The following SPRED1 variants were observed in gnomAD, a reference collection of about 807,000 sequenced individuals.
The protein encoded by SPRED1 is sprouty related EVH1 domain containing 1, also known as sprouty-related, EVH1 domain-containing protein 1.
Under a neutral mutation model 52.3 loss-of-function variants are expected in SPRED1, and 18 were observed. The ratio of observed to expected loss-of-function variants is 0.34; its 90% CI spans 0.24 to 0.51. The LOEUF is 0.51. Ranked by LOEUF, SPRED1 falls within the 20% of genes least tolerant of loss-of-function variation. The pLI, the probability that SPRED1 is intolerant of heterozygous loss-of-function variation, is 0.97. For missense variants in SPRED1, 485 were observed against 551.0 expected (o/e 0.88, Z 1.20); for synonymous variants, 155 against 179.7 (o/e 0.86, Z 1.10).
At chr15:38,307,325 A>G (rs1895270434) in intron 2 of SPRED1, among the ~76,000 whole-genome samples, 1 of 152,210 alleles carries the variant, frequency 6.6e-6, no homozygotes, top group Non-Finnish European at 1.5e-5. Flanking sequence ...TGGTTTAAAC[A>G]ACAGAATTTA....
intron 1 of SPRED1, among the ~76,000 whole-genome samples, chr15:38,259,667 G>A (rs1894166826): frequency 6.6e-6 from 1 of 151,834 alleles, no homozygotes; most frequent in East Asian, 1.9e-4. Flanking sequence ...CAAGATACCA[G>A]TCTTTATGCT....
chr15:38,265,793 A>C (rs776414664), intron 1 of SPRED1, among the ~76,000 whole-genome samples: 23 of 152,232 alleles, frequency 1.5e-4, no homozygotes, highest in Admixed American at 3.3e-4. Context: ...GGAACTTTCA[A>C]ATATTGTTGT....
At chr15:38,253,984 C>T (rs760288747) in intron 1 of SPRED1, among the ~76,000 whole-genome samples, 4 of 152,114 alleles carry the variant, frequency 2.6e-5, no homozygotes, top group Non-Finnish European at 5.9e-5. Flanking sequence ...TTAGAGCATT[C>T]CGGTTTAAGT....
In SPRED1 at chr15:38,324,772, A is replaced by T. The variant is rs1230768530; in HGVS notation, c.386A>T (p.Glu129Val). The T allele has an allele frequency of 1.7e-5, 28 of 1,609,972 alleles. No individual in the cohort carries two copies. The highest frequency in any genetic ancestry group is 3.3e-5 in the South Asian group (3 of 90,184). The change falls in exon 4 of 7, where the codon GAA becomes GTA. Residue 129 changes from glutamate (E) to valine (V), a missense_variant. Coordinates refer to ENST00000299084, the MANE Select transcript of SPRED1 (RefSeq NM_152594.3). The stretch of plus-strand genomic sequence containing the variant: ...TTATCTATTTTCTTAGGATGCCCCG[A>T]ATCAAAAAATGAAGCTGAAGGGGCA... ...AIEDISQGCP[E>V]SKNEAEGADD...
chr15:38,308,161 G>A (rs921002509), intron 2 of SPRED1, among the ~76,000 whole-genome samples: 1 of 152,132 alleles, frequency 6.6e-6, no homozygotes, highest in Non-Finnish European at 1.5e-5. Flanking sequence ...TATGAAATCT[G>A]ATTTTGCAAA....
In SPRED1 at chr15:38,351,361, T is replaced by C. The variant is rs1371117543; in HGVS notation, c.1032T>C (p.His344=). The change falls in exon 7 of 7, where the codon CAT becomes CAC. Residue 344 remains histidine, a synonymous_variant. Coordinates refer to ENST00000299084, the MANE Select transcript of SPRED1 (RefSeq NM_152594.3). ...RCVYCQERFN[H]EENVRGKCQD... ...TATACTGCCAGGAAAGGTTTAATCATGAAGAAAATGTTAGGGGAAAATGTC... is the reference window on the plus strand; with the variant it reads ...TATACTGCCAGGAAAGGTTTAATCACGAAGAAAATGTTAGGGGAAAATGTC... 6.2e-7 allele frequency: 1 copy of C among 1,614,090 alleles called. No individual in the cohort carries two copies. Among genetic ancestry groups the C allele is most frequent in the Non-Finnish European group, 8.5e-7 (1 of 1,180,012 alleles).
chr15:38,350,991 G>A (rs770678427), intron 6 of SPRED1, 23 bp from the exon 7 acceptor site: 10 of 1,606,318 alleles, frequency 6.2e-6, no homozygotes, highest in Non-Finnish European at 2.5e-6. Flanking sequence ...CCTCATTGCA[G>A]TTTTTATCTG....
At chr15:38,285,082 C>T (rs1364782636) in intron 1 of SPRED1, among the ~76,000 whole-genome samples, 2 of 151,976 alleles carry the variant, frequency 1.3e-5, no homozygotes, top group African/African-American at 4.8e-5. Flanking sequence ...CCCAGCTCCT[C>T]CTGCTGCCTG....
At chr15:38,254,564 GA>G (rs1000929129) in intron 1 of SPRED1, among the ~76,000 whole-genome samples, 52 of 152,068 alleles carry the variant, frequency 3.4e-4, no homozygotes, top group African/African-American at 1.2e-3. Flanking sequence ...GATTTCCCAA[GA>G]AAAAAAATTC....
rs964133304 is a variant in SPRED1, at chr15:38,324,957, G to A, written c.423+148G>A. On this transcript the variant is annotated intron_variant, in intron 4 of 6. Coordinates refer to ENST00000299084, the MANE Select transcript of SPRED1 (RefSeq NM_152594.3). ...CAGAAGAAAAGAACCAATACAGGTT[G>A]AGCATCCCTCATCTGAAAATTTAAA... 752 of 732,142 alleles carry A rather than the reference G, an allele frequency of 1.0e-3. 3 individuals carry two copies. Among genetic ancestry groups the A allele is most frequent in the Middle Eastern group, 2.7e-3 (7 of 2,624 alleles). The allele number at this position is 732,142 out of a possible 1,614,324, so 45.4% of individuals were successfully genotyped here. A position where few individuals can be genotyped will look rare whatever the true frequency, so the allele number is the denominator to read the frequency against.
At chr15:38,347,704 T>C (rs4301979) in intron 5 of SPRED1, among the ~76,000 whole-genome samples, 125,132 of 151,874 alleles carry the variant, frequency 0.82, 52,351 homozygotes, top group Non-Finnish European at 0.9. Flanking sequence ...ATAATACATA[T>C]TTTATAGGAT....
intron 1 of SPRED1, among the ~76,000 whole-genome samples, chr15:38,266,759 C>T (rs113698582): frequency 6.6e-6 from 1 of 152,190 alleles, no homozygotes; most frequent in Non-Finnish European, 1.5e-5. Context: ...CTTCTAGCCA[C>T]CTTAGTTTTC....
chr15:38,315,669 C>T (rs1204943671), intron 2 of SPRED1, among the ~76,000 whole-genome samples: 1 of 151,856 alleles, frequency 6.6e-6, no homozygotes, highest in African/African-American at 2.4e-5. Flanking sequence ...CCTTTAGAAT[C>T]CATTAACAAA....
chr15:38,343,280 A>T (rs2037526), intron 5 of SPRED1, among the ~76,000 whole-genome samples: 13,808 of 152,130 alleles, frequency 0.091, 752 homozygotes, highest in East Asian at 0.21. Context: ...TTGACTACAA[A>T]AGCCTTCCTT....
intron 1 of SPRED1, among the ~76,000 whole-genome samples, chr15:38,267,443 T>C (rs898190207): frequency 6.6e-6 from 1 of 152,190 alleles, no homozygotes; most frequent in African/African-American, 2.4e-5. Context: ...AGAGTACAAG[T>C]GGTTTTTTAA....
chr15:38,268,940 C>CT lies in SPRED1; in HGVS notation c.32+15741dup, dbSNP rs66775738. Among the ~76,000 whole-genome samples, 109 of 121,848 alleles carry CT rather than the reference C, an allele frequency of 8.9e-4. 1 individual carries two copies. The highest frequency in any genetic ancestry group is 2.0e-3 in the African/African-American group (72 of 35,152). 79.9% of individuals were successfully genotyped at this position (121,848 alleles called of 152,430 possible). A position where few individuals can be genotyped will look rare whatever the true frequency, so the allele number is the denominator to read the frequency against. ...TCATATTTATAGTACTAACTTTTTT[C>CT]TTTTTTTTTTTTTTTTTTGAGACAG... is the stretch of plus-strand genomic sequence containing the variant. On this transcript the variant is annotated intron_variant, in intron 1 of 6. Transcript: ENST00000299084.
intron 1 of SPRED1, among the ~76,000 whole-genome samples, chr15:38,287,917 G>GT (rs1056892755): frequency 2.0e-5 from 3 of 151,934 alleles, no homozygotes; most frequent in Non-Finnish European, 4.4e-5. Context: ...ATTTTTTCTT[G>GT]TTTTTTGATT....
At chr15:38,295,573 T>G (rs1031087377) in intron 1 of SPRED1, among the ~76,000 whole-genome samples, 1 of 152,164 alleles carries the variant, frequency 6.6e-6, no homozygotes, top group African/African-American at 2.4e-5. Flanking sequence ...CGATGTAAAA[T>G]TAATGAGAAT....
intron 1 of SPRED1, among the ~76,000 whole-genome samples, chr15:38,272,898 G>A (rs140702211): frequency 6.6e-6 from 1 of 152,186 alleles, no homozygotes; most frequent in Non-Finnish European, 1.5e-5. Flanking sequence ...TTTTTTGCTT[G>A]TTCAGTTATT....
Sources: gnomAD v4.1 joint callset for allele counts (sites outside exome capture counted in the v4.1 genomes callset) on GRCh38, gnomAD v4.1.1 for gene constraint, MANE v1.5 for transcripts, NCBI Gene and HGNC (gene_info 2026-07-23, HGNC 2026-07-21) for gene names.